PTPRK: variants seen among roughly 807,000 people sequenced by gnomAD.
The protein encoded by PTPRK is protein tyrosine phosphatase receptor type K.
In PTPRK, 75 loss-of-function variants were observed where a neutral mutation model predicts 178.0. That is an observed-to-expected ratio of 0.42 (90% CI 0.35 to 0.51). The LOEUF (loss-of-function observed/expected upper bound fraction) is 0.51. PTPRK is among the 20% of genes least tolerant of loss of function. The pLI, the probability that PTPRK is intolerant of heterozygous loss-of-function variation, is 0.02. For missense variants in PTPRK, 1,441 were observed against 1,797.8 expected (o/e 0.80, Z 3.59); for synonymous variants, 637 against 620.6 (o/e 1.03, Z -0.39).
chr6:127,970,800 A>C (rs1318263783), intron 29 of PTPRK, among the ~76,000 whole-genome samples: 1 of 152,124 alleles, frequency 6.6e-6, no homozygotes, highest in Non-Finnish European at 1.5e-5. Flanking sequence ...ACATTGTTAC[A>C]ATTCTTTTTC....
At chr6:128,469,761 G>A (rs558681266) in intron 1 of PTPRK, among the ~76,000 whole-genome samples, 1 of 152,200 alleles carries the variant, frequency 6.6e-6, no homozygotes, top group Admixed American at 6.6e-5. Flanking sequence ...GGATTACCAA[G>A]GTGTACCCAA....
chr6:127,973,823 T>C lies in PTPRK; in HGVS notation c.3974A>G (p.Gln1325Arg). Reference sequence around the variant, plus strand: ...CTGTTGCACCATCAGATAACCTTCCTGTGGCTGTAGAGGGAAGTGTTTTTA... The same window carrying C: ...CTGTTGCACCATCAGATAACCTTCCCGTGGCTGTAGAGGGAAGTGTTTTTA... ...IFRICNLTRPQEGYLMVQQFQ... is the reference protein window; with the variant it reads ...IFRICNLTRPREGYLMVQQFQ... Residue 1325 changes from glutamine to arginine, a missense_variant, in exon 28 of 30, where the codon CAG becomes CGG. Transcript: ENST00000368226. The C allele has an allele frequency of 1.2e-6, 2 of 1,612,518 alleles. No homozygotes were observed. The highest frequency in any genetic ancestry group is 2.2e-5 in the East Asian group (1 of 44,842).
chr6:128,486,385 C>T (rs1360370750), intron 1 of PTPRK, among the ~76,000 whole-genome samples: 8 of 151,586 alleles, frequency 5.3e-5, no homozygotes, highest in Non-Finnish European at 1.0e-4. Context: ...AACTATGACA[C>T]CAATTAATAT....
At chr6:128,238,113 A>G (rs1248752312) in intron 5 of PTPRK, 1 of 451,528 alleles carries the variant, frequency 2.2e-6, no homozygotes, top group Non-Finnish European at 4.4e-6. Context: ...TATGCACACT[A>G]CTGAAGAATG....
At position 128,064,209 on chromosome 6, in the gene PTPRK, TA is replaced by T. The variant is rs375987940; in HGVS notation, c.2194+548del. Among the ~76,000 whole-genome samples, 657 of 152,276 alleles carry T rather than the reference TA, an allele frequency of 4.3e-3. 4 individuals carry two copies. Among genetic ancestry groups the T allele is most frequent in the African/African-American group, 0.015 (623 of 41,566 alleles). On this transcript the variant is annotated intron_variant, in intron 13 of 29. Coordinates refer to ENST00000368226, the MANE Select transcript of PTPRK (RefSeq NM_002844.4). ...TCAAAGAAACTAGGCAGCTAAGCCA[TA>T]ATATGCCAGGTCAGCAGGAATTGCC...
At chr6:128,266,173 G>A (rs1039081383) in intron 3 of PTPRK, among the ~76,000 whole-genome samples, 3 of 152,058 alleles carry the variant, frequency 2.0e-5, no homozygotes, top group African/African-American at 7.2e-5. Context: ...CAGGAAGGAC[G>A]GCAGTAGGTT....
chr6:128,473,527 T>C (rs534899100), intron 1 of PTPRK, among the ~76,000 whole-genome samples: 2 of 151,126 alleles, frequency 1.3e-5, no homozygotes, highest in Admixed American at 1.3e-4. Context: ...TAGTATCCAA[T>C]GATTATTCTT....
intron 25 of PTPRK, among the ~76,000 whole-genome samples, chr6:127,978,380 T>C (rs13193094): frequency 6.6e-6 from 1 of 152,086 alleles, no homozygotes; most frequent in East Asian, 1.9e-4. Flanking sequence ...TGACATCTGG[T>C]GGTTTTATAA....
chr6:128,005,255 A>G lies in PTPRK; in HGVS notation c.2334-11T>C, dbSNP rs747396353. ...TTTTTAGCAAGTTTGCTGCCAAGGCAAATACAAAAGGGCATCCTTAGTGTT... is the reference window on the plus strand; with the variant it reads ...TTTTTAGCAAGTTTGCTGCCAAGGCGAATACAAAAGGGCATCCTTAGTGTT... On this transcript the variant is annotated splice_polypyrimidine_tract_variant and intron_variant, in intron 14 of 29. Coordinates refer to ENST00000368226, the MANE Select transcript of PTPRK (RefSeq NM_002844.4). The G allele has an allele frequency of 2.9e-5, 46 of 1,610,586 alleles. No homozygotes were observed. The highest frequency in any genetic ancestry group is 3.8e-5 in the Non-Finnish European group (45 of 1,177,966).
At chr6:128,147,268 T>C (rs1344180765) in intron 7 of PTPRK, among the ~76,000 whole-genome samples, 1 of 152,178 alleles carries the variant, frequency 6.6e-6, no homozygotes, top group Non-Finnish European at 1.5e-5. Flanking sequence ...AAAATAATAA[T>C]CTGCTTAAAG....
chr6:128,281,728 T>A (rs545013284), intron 3 of PTPRK, among the ~76,000 whole-genome samples: 1 of 152,148 alleles, frequency 6.6e-6, no homozygotes, highest in African/African-American at 2.4e-5. Context: ...GCACTTACCA[T>A]CCCACCAATT....
Position 127,981,259 on chromosome 6 carries a change from CT to C in PTPRK, c.3567del (p.Ala1190LeufsTer6). The C allele has an allele frequency of 6.2e-7, 1 of 1,613,800 alleles. No individual in the cohort carries two copies. Among genetic ancestry groups the C allele is most frequent in the Non-Finnish European group, 8.5e-7 (1 of 1,179,906 alleles). On this transcript the variant is annotated frameshift_variant, in exon 25 of 30. Transcript: ENST00000368226. LOFTEE classifies it high-confidence loss of function. ...AGGCACGCTATACTGCAGTCTTCAG[CT>C]TGTAGTCGAGGGGTGACTGAATTCA... ...QTLNSVTPRL[Q>X]AEDCSIACLP...
At position 128,331,772 on chromosome 6, in the gene PTPRK, T is replaced by C. The variant is rs200992099; in HGVS notation, c.224-9462A>G. ...GTAAACTTGTCCCCCAAACTTCAAA[T>C]TAACTGAATTTGCATCTTTGCAGGA... On this transcript the variant is annotated intron_variant, in intron 2 of 29. Transcript: ENST00000368226. Among the ~76,000 whole-genome samples the C allele has an allele frequency of 1.3e-3, 108 of 81,412 alleles. 1 individual carries two copies. Among genetic ancestry groups the C allele is most frequent in the African/African-American group, 4.5e-3 (105 of 23,558 alleles). 53.4% of individuals were successfully genotyped at this position (81,412 alleles called of 152,430 possible). A position where few individuals can be genotyped will look rare whatever the true frequency, so the allele number is the denominator to read the frequency against.
chr6:128,320,470 C>T (rs1376802631), intron 3 of PTPRK, among the ~76,000 whole-genome samples: 1 of 151,924 alleles, frequency 6.6e-6, no homozygotes, highest in African/African-American at 2.4e-5. Flanking sequence ...AACTGACAGT[C>T]TGATTCCTTA....
chr6:128,353,327 G>T (rs1291313386), intron 2 of PTPRK, among the ~76,000 whole-genome samples: 3 of 152,102 alleles, frequency 2.0e-5, no homozygotes, highest in Admixed American at 1.3e-4. Flanking sequence ...AACTAAACAT[G>T]TATTTACCAT....
rs181401715 is a variant in PTPRK at position 128,089,766 on chromosome 6, G to A, written c.1389C>T (p.Val463=). The change falls in exon 8 of 30, where the codon GTC becomes GTT. Residue 463 remains valine (V), a synonymous_variant. Transcript: ENST00000368226. ...VVNHLPPYTN[V]SLKMILTNPE... ...GATTGGTTAGGATCATCTTGAGGCT[G>A]ACATTTGTATAAGGTGGCAGATGGT... 10 of 1,613,352 alleles carry A rather than the reference G, an allele frequency of 6.2e-6. No homozygotes were observed. The highest frequency in any genetic ancestry group is 8.5e-6 in the Non-Finnish European group (10 of 1,179,300).
intron 1 of PTPRK, among the ~76,000 whole-genome samples, chr6:128,469,615 G>A (rs921319493): frequency 2.0e-5 from 3 of 152,106 alleles, no homozygotes; most frequent in African/African-American, 7.2e-5. Flanking sequence ...TTAGACTTGT[G>A]GTAGGCTGAA....
intron 11 of PTPRK, among the ~76,000 whole-genome samples, chr6:128,072,177 G>A (rs1205501052): frequency 1.3e-5 from 2 of 151,786 alleles, no homozygotes; most frequent in Non-Finnish European, 2.9e-5. Flanking sequence ...AAATATTTCT[G>A]TAATTAGGTT....
chr6:128,219,226 A>G (rs1809939164), intron 5 of PTPRK, 130 bp from the exon 6 acceptor site: 10 of 855,644 alleles, frequency 1.2e-5, no homozygotes, highest in Non-Finnish European at 1.8e-5. Context: ...TCCATTGTCA[A>G]TCAGGAAAAG....
Sources: allele counts gnomAD v4.1 joint callset (sites outside exome capture counted in the v4.1 genomes callset), GRCh38; gene constraint gnomAD v4.1.1; transcripts MANE v1.5; gene names NCBI Gene and HGNC (gene_info 2026-07-23, HGNC 2026-07-21).